ASH1L: variants seen among roughly 807,000 people sequenced by gnomAD.
ASH1L encodes the protein histone-lysine N-methyltransferase ASH1L.
ASH1L carries 23 observed loss-of-function variants against 269.0 expected under a neutral mutation model. That is an observed-to-expected ratio of 0.09 (90% CI 0.06 to 0.12). ASH1L has a LOEUF of 0.12. Ranked by LOEUF, ASH1L falls within the 10% of genes least tolerant of loss-of-function variation. The pLI is 1.00. For missense variants in ASH1L, 2,912 were observed against 3,567.8 expected (o/e 0.82, Z 4.68); for synonymous variants, 1,187 against 1,253.5 (o/e 0.95, Z 1.12).
intron 4 of ASH1L, among the ~76,000 whole-genome samples, chr1:155,452,453 A>G (rs1002923135): frequency 6.6e-6 from 1 of 152,160 alleles, no homozygotes; most frequent in Non-Finnish European, 1.5e-5. Flanking sequence ...TTTGTAGAAC[A>G]GTTTGACAGT....
chr1:155,536,927 C>T (rs111513063), intron 1 of ASH1L, among the ~76,000 whole-genome samples: 2 of 151,704 alleles, frequency 1.3e-5, no homozygotes, highest in Non-Finnish European at 2.9e-5. Context: ...TGCCTGTAGT[C>T]CCAGCTACTT....
intron 1 of ASH1L, among the ~76,000 whole-genome samples, chr1:155,539,854 G>A (rs1432191396): frequency 1.3e-5 from 2 of 151,542 alleles, no homozygotes; most frequent in Non-Finnish European, 2.9e-5. Context: ...CCAGGATTTT[G>A]AGACCAGCCT....
intron 5 of ASH1L, among the ~76,000 whole-genome samples, chr1:155,430,953 G>A (rs571692087): frequency 1.1e-4 from 17 of 151,958 alleles, no homozygotes; most frequent in Non-Finnish European, 1.5e-4. Context: ...GGTAGCTCAC[G>A]CCTGTAATCC....
At chr1:155,363,167 C>G (rs1655113109) in intron 12 of ASH1L, among the ~76,000 whole-genome samples, 1 of 151,800 alleles carries the variant, frequency 6.6e-6, no homozygotes, top group African/African-American at 2.4e-5. Flanking sequence ...ATTTTTAGTA[C>G]AGACGGGATT....
intron 3 of ASH1L, among the ~76,000 whole-genome samples, chr1:155,464,960 CTTTATAAT>C (rs777663005): frequency 9.9e-5 from 15 of 151,924 alleles, no homozygotes; most frequent in Non-Finnish European, 1.6e-4. Flanking sequence ...TTATGAAAAT[CTTTATAAT>C]AAACAGAAAA....
chr1:155,387,289 A>G (rs763523382), intron 7 of ASH1L, among the ~76,000 whole-genome samples: 1 of 152,078 alleles, frequency 6.6e-6, no homozygotes, highest in Non-Finnish European at 1.5e-5. Flanking sequence ...TGAAGTTTTT[A>G]ATCCATATTT....
chr1:155,521,060 A>G, intron 2 of ASH1L, 40 bp downstream of exon 2: 1 of 1,524,896 alleles, frequency 6.6e-7, no homozygotes, highest in Non-Finnish European at 8.8e-7. Context: ...GGAAATGAAA[A>G]TATTGTCAAT....
chr1:155,498,886 A>C (rs918248477), intron 2 of ASH1L, among the ~76,000 whole-genome samples: 1 of 151,996 alleles, frequency 6.6e-6, no homozygotes, highest in African/African-American at 2.4e-5. Flanking sequence ...GCATATAATC[A>C]AAAGAGAACC....
chr1:155,340,106 A>G (rs1652648165), intron 25 of ASH1L, among the ~76,000 whole-genome samples: 2 of 152,146 alleles, frequency 1.3e-5, no homozygotes, highest in African/African-American at 4.8e-5. Flanking sequence ...TGGGCAGAGA[A>G]TACAAAAGAC....
At chr1:155,483,923 A>ATATGC (rs915666062) in intron 2 of ASH1L, among the ~76,000 whole-genome samples, 7 of 152,146 alleles carry the variant, frequency 4.6e-5, no homozygotes, top group South Asian at 2.1e-4. Context: ...AATGGTTATA[A>ATATGC]TATGCTATGC....
chr1:155,500,340 C>A (rs1667423494), intron 2 of ASH1L, among the ~76,000 whole-genome samples: 1 of 152,220 alleles, frequency 6.6e-6, no homozygotes, highest in African/African-American at 2.4e-5. Flanking sequence ...TCTGTGCCAA[C>A]TGTTCTCTTC....
chr1:155,511,893 C>A (rs1296733243), intron 2 of ASH1L, among the ~76,000 whole-genome samples: 1 of 152,038 alleles, frequency 6.6e-6, no homozygotes, highest in Non-Finnish European at 1.5e-5. Context: ...TCACCACAAC[C>A]TCTTCCTCCT....
chr1:155,408,310 A>G (rs1659461974), intron 6 of ASH1L, among the ~76,000 whole-genome samples: 1 of 152,242 alleles, frequency 6.6e-6, no homozygotes, highest in Non-Finnish European at 1.5e-5. Context: ...CAACAGCAAT[A>G]TAAAATTTAT....
At chr1:155,340,463 G>A (rs1373387329) in intron 25 of ASH1L, among the ~76,000 whole-genome samples, 1 of 152,082 alleles carries the variant, frequency 6.6e-6, no homozygotes, top group Non-Finnish European at 1.5e-5. Context: ...TTACAGGTGT[G>A]AGCCACCGCG....
At chr1:155,418,355 G>A (rs994292065) in intron 5 of ASH1L, among the ~76,000 whole-genome samples, 5 of 152,052 alleles carry the variant, frequency 3.3e-5, no homozygotes, top group African/African-American at 4.8e-5. Context: ...TGATAAATAC[G>A]AAATCTGAAA....
At chr1:155,382,477 G>A (rs1657066833) in intron 7 of ASH1L, among the ~76,000 whole-genome samples, 2 of 152,242 alleles carry the variant, frequency 1.3e-5, no homozygotes, top group East Asian at 1.9e-4. Flanking sequence ...CAGCCTGGGC[G>A]ACAGAGCAAG....
chr1:155,370,917 T>C lies in ASH1L; in HGVS notation c.6399A>G (p.Ile2133Met). 2.5e-6 allele frequency: 4 copies of C among 1,614,214 alleles called. No individual in the cohort carries two copies. Among genetic ancestry groups the C allele is most frequent in the Non-Finnish European group, 3.4e-6 (4 of 1,180,040 alleles). The change falls in exon 11 of 28, where the codon ATA becomes ATG. Residue 2133 changes from isoleucine to methionine, a missense_variant. By Grantham distance (10) the Ile-to-Met change is conservative. Transcript: ENST00000392403. Reference protein sequence around the residue: ...PCGEQCCNQRIQRHEWVQCLE... With the variant: ...PCGEQCCNQRMQRHEWVQCLE... Reference sequence around the variant, plus strand: ...GACATTGCACCCATTCATGCCTCTGTATCCTCTGGTTACAGCATTGCTCGC... The same window carrying C: ...GACATTGCACCCATTCATGCCTCTGCATCCTCTGGTTACAGCATTGCTCGC...
intron 6 of ASH1L, among the ~76,000 whole-genome samples, chr1:155,407,809 C>T (rs1659420762): frequency 1.3e-5 from 2 of 149,916 alleles, no homozygotes; most frequent in Non-Finnish European, 3.0e-5. Flanking sequence ...AACTCAGTCA[C>T]AAAAAAACAC....
At chr1:155,355,311 A>G (rs1654282292) in intron 15 of ASH1L, among the ~76,000 whole-genome samples, 1 of 152,238 alleles carries the variant, frequency 6.6e-6, no homozygotes, top group African/African-American at 2.4e-5. Context: ...TTGGCCTCCC[A>G]AAGTGCTGGG....
Sources: gnomAD v4.1 joint callset for allele counts (sites outside exome capture counted in the v4.1 genomes callset) on GRCh38, gnomAD v4.1.1 for gene constraint, MANE v1.5 for transcripts, NCBI Gene and HGNC (gene_info 2026-07-23, HGNC 2026-07-21) for gene names.